The following PLCB1 variants were observed in gnomAD, a reference collection of about 807,000 sequenced individuals.
PLCB1 encodes the protein 1-phosphatidylinositol 4,5-bisphosphate phosphodiesterase beta-1.
PLCB1 carries 46 observed loss-of-function variants against 161.8 expected under a neutral mutation model. The ratio of observed to expected loss-of-function variants is 0.28; its 90% CI spans 0.22 to 0.36. The LOEUF (loss-of-function observed/expected upper bound fraction) is 0.36. PLCB1 is among the 10% of genes least tolerant of loss of function. The pLI, the probability that PLCB1 is intolerant of heterozygous loss-of-function variation, is 1.00. For synonymous variants in PLCB1, 517 were observed against 503.7 expected, an observed-to-expected ratio of 1.03 and a Z score of -0.35; for missense variants, 1,016 against 1,472.5, an observed-to-expected ratio of 0.69 and a Z score of 5.07.
chr20:8,382,550 C>CT (rs547236512), intron 3 of PLCB1, among the ~76,000 whole-genome samples: 4,615 of 129,362 alleles, frequency 0.036, 133 homozygotes, highest in African/African-American at 0.074. Context: ...CTCAAAGTGT[C>CT]TTTTTTTTTT....
intron 2 of PLCB1, among the ~76,000 whole-genome samples, chr20:8,293,974 A>C (rs1007598875): frequency 2.0e-5 from 3 of 152,184 alleles, no homozygotes; most frequent in Non-Finnish European, 4.4e-5. Context: ...TTTGAGTTGC[A>C]CATCTTGGGA....
rs942159236 is a variant in PLCB1, at chr20:8,142,882, C to T, written c.100-7412C>T. Among the ~76,000 whole-genome samples the T allele has an allele frequency of 2.6e-5, 4 of 152,186 alleles. No homozygotes were observed. In the East Asian group the frequency reaches 7.7e-4, roughly 29 times the overall value. Reference sequence around the variant, plus strand: ...TTTTAATTTCCTCCTTTCTCCACTCCTCGTTTAATGTACTTGGGCCACCTC... The same window carrying T: ...TTTTAATTTCCTCCTTTCTCCACTCTTCGTTTAATGTACTTGGGCCACCTC... On this transcript the variant is annotated intron_variant, in intron 1 of 31. Transcript: ENST00000338037.
chr20:8,556,071 C>G (rs746560471), intron 3 of PLCB1, among the ~76,000 whole-genome samples: 6 of 151,806 alleles, frequency 4.0e-5, no homozygotes, highest in Admixed American at 2.6e-4. Flanking sequence ...AAGATTTATC[C>G]AGTAATAATC....
intron 10 of PLCB1, among the ~76,000 whole-genome samples, chr20:8,689,457 T>C (rs6056016): frequency 0.58 from 88,483 of 151,914 alleles, 27,242 homozygotes; most frequent in South Asian, 0.71. Context: ...TTTTCCCCAT[T>C]CAGTATTAAG....
At position 8,207,160 on chromosome 20, in the gene PLCB1, T is replaced by C. The variant is rs983852764; in HGVS notation, c.177+56789T>C. On this transcript the variant is annotated intron_variant, in intron 2 of 31. Coordinates refer to ENST00000338037, the MANE Select transcript of PLCB1 (RefSeq NM_015192.4). ...GCTGTTATATGATATTTATAAAATT[T>C]TAAAAGTGCAGAAAACAAAAAAAAT... Among the ~76,000 whole-genome samples, 35 of 152,102 alleles carry C rather than the reference T, an allele frequency of 2.3e-4. 2 individuals are homozygous for C. The highest frequency in any genetic ancestry group is 7.4e-5 in the Non-Finnish European group (5 of 68,008).
chr20:8,739,196 C>A, intron 20 of PLCB1, 65 bp from the exon 21 acceptor site: 2 of 979,350 alleles, frequency 2.0e-6, no homozygotes, highest in Non-Finnish European at 3.3e-6. Context: ...TGAATAATAC[C>A]TTTCTAATTA....
chr20:8,626,620 A>G (rs1988357334), intron 3 of PLCB1, among the ~76,000 whole-genome samples: 1 of 152,174 alleles, frequency 6.6e-6, no homozygotes, highest in South Asian at 2.1e-4. Context: ...TTCATCTCCA[A>G]ATATTTTCCC....
chr20:8,192,831 A>G (rs1298675559), intron 2 of PLCB1, among the ~76,000 whole-genome samples: 2 of 151,922 alleles, frequency 1.3e-5, no homozygotes, highest in African/African-American at 4.8e-5. Flanking sequence ...GTGGCCAAAT[A>G]TGGAGGGGGG....
chr20:8,139,283 C>T (rs144469034), intron 1 of PLCB1, among the ~76,000 whole-genome samples: 1,780 of 151,684 alleles, frequency 0.012, 17 homozygotes, highest in Non-Finnish European at 0.018. Context: ...TTAGTAGAGA[C>T]GGGGGTTTTG....
chr20:8,755,145 C>G (rs1205121474), intron 23 of PLCB1, among the ~76,000 whole-genome samples: 1 of 152,132 alleles, frequency 6.6e-6, no homozygotes, highest in Non-Finnish European at 1.5e-5. Context: ...GTGTAGTAAA[C>G]AAGCAGGGAT....
intron 3 of PLCB1, among the ~76,000 whole-genome samples, chr20:8,582,790 C>T (rs1038576182): frequency 6.6e-6 from 1 of 152,142 alleles, no homozygotes; most frequent in African/African-American, 2.4e-5. Flanking sequence ...GAGTTCCAGA[C>T]CAGCCTGGCC....
chr20:8,275,667 A>G (rs1982505091), intron 2 of PLCB1, among the ~76,000 whole-genome samples: 1 of 152,180 alleles, frequency 6.6e-6, no homozygotes, highest in African/African-American at 2.4e-5. Flanking sequence ...CCATGTTTAA[A>G]TGTATTCTGT....
In PLCB1 at chr20:8,716,257, C is replaced by G. The variant is rs1199526249; in HGVS notation, c.1251-7C>G. 2 of 1,612,130 alleles carry G rather than the reference C, an allele frequency of 1.2e-6. No individual in the cohort carries two copies. Among genetic ancestry groups the G allele is most frequent in the Non-Finnish European group, 1.7e-6 (2 of 1,178,194 alleles). On this transcript the variant is annotated splice_region_variant and splice_polypyrimidine_tract_variant and intron_variant, in intron 12 of 31. Transcript: ENST00000338037. ...ACTTTCCTTCTTCTGTTCTTGTTCT[C>G]CCTTAGCCCAAAGCAGCAAGCCAAG... is the stretch of plus-strand genomic sequence containing the variant.
intron 1 of PLCB1, among the ~76,000 whole-genome samples, chr20:8,138,474 GTCT>G (rs1399352828): frequency 5.3e-5 from 8 of 152,160 alleles, no homozygotes; most frequent in Non-Finnish European, 8.8e-5. Context: ...GAAATCATTG[GTCT>G]TCTTGTTACT....
chr20:8,391,149 A>G (rs762988318), intron 3 of PLCB1, among the ~76,000 whole-genome samples: 8 of 152,084 alleles, frequency 5.3e-5, no homozygotes, highest in South Asian at 2.1e-4. Flanking sequence ...ACTATAATCT[A>G]TATTTATATA....
intron 2 of PLCB1, among the ~76,000 whole-genome samples, chr20:8,188,361 A>G (rs993728887): frequency 9.9e-5 from 15 of 152,170 alleles, no homozygotes; most frequent in African/African-American, 3.6e-4. Context: ...GACACAGGGA[A>G]GGATGAAGTA....
chr20:8,877,314 C>T (rs1987815048), intron 31 of PLCB1, among the ~76,000 whole-genome samples: 1 of 152,132 alleles, frequency 6.6e-6, no homozygotes, highest in Non-Finnish European at 1.5e-5. Flanking sequence ...CTTCGGGAGT[C>T]CCCTGGTTAA....
At chr20:8,643,941 C>T (rs1222717800) in intron 4 of PLCB1, among the ~76,000 whole-genome samples, 12 of 152,106 alleles carry the variant, frequency 7.9e-5, no homozygotes, top group East Asian at 1.9e-4. Context: ...ATTGCAGGCG[C>T]GCGCCGCCAC....
chr20:8,493,829 T>C lies in PLCB1; in HGVS notation c.246+122379T>C, dbSNP rs1156865971. 1.6e-5 allele frequency among the ~76,000 whole-genome samples: 2 copies of C among 124,404 alleles called. 1 individual carries two copies. Among genetic ancestry groups the C allele is most frequent in the Non-Finnish European group, 3.4e-5 (2 of 59,440 alleles). 81.6% of individuals were successfully genotyped at this position (124,404 alleles called of 152,430 possible). A position where few individuals can be genotyped will look rare whatever the true frequency, so the allele number is the denominator to read the frequency against. ...CCTCAGGTAGTAGCCCTTACCTTGG[T>C]GTACGAGAGTCTGCATGAGTGCTGT... On this transcript the variant is annotated intron_variant, in intron 3 of 31. Coordinates refer to ENST00000338037, the MANE Select transcript of PLCB1 (RefSeq NM_015192.4).
Sources: gnomAD v4.1 joint callset for allele counts (sites outside exome capture counted in the v4.1 genomes callset) on GRCh38, gnomAD v4.1.1 for gene constraint, MANE v1.5 for transcripts, NCBI Gene and HGNC (gene_info 2026-07-23, HGNC 2026-07-21) for gene names.